Variants in SLC23A2 observed in about 807,000 individuals in gnomAD.
SLC23A2 encodes the protein solute carrier family 23 member 2.
SLC23A2 carries 36 observed loss-of-function variants against 73.3 expected under a neutral mutation model. The observed-to-expected ratio is 0.49, with a 90% CI of 0.38 to 0.65. The LOEUF is 0.65. SLC23A2 is among the 30% of genes least tolerant of loss of function. The pLI is 0.00. For synonymous variants in SLC23A2, 343 were observed against 327.3 expected (o/e 1.05, Z -0.52); for missense variants, 507 against 841.6 (o/e 0.60, Z 4.92).
At chr20:4,874,771 T>A (rs756166145) in intron 9 of SLC23A2, 75 bp from the exon 10 acceptor site, 43 of 1,286,860 alleles carry the variant, frequency 3.3e-5, no homozygotes, top group Non-Finnish European at 4.5e-5. Context: ...GAAGCTTCTA[T>A]GGCAAAATTG....
At position 4,862,393 on chromosome 20, in the gene SLC23A2, A is replaced by T. The variant is rs1362709975; in HGVS notation, c.1487-308T>A. 3.3e-5 allele frequency among the ~76,000 whole-genome samples: 5 copies of T among 152,258 alleles called. No individual in the cohort carries two copies. Among genetic ancestry groups the T allele is most frequent in the Non-Finnish European group, 7.3e-5 (5 of 68,050 alleles). Reference sequence around the variant, plus strand: ...ACACAAACATTTTGATTAAACAGGGAGACCTACCTAAATATCTGGTGCATG... The same window carrying T: ...ACACAAACATTTTGATTAAACAGGGTGACCTACCTAAATATCTGGTGCATG... On this transcript the variant is annotated intron_variant, in intron 14 of 16. Transcript: ENST00000338244. The surrounding 1 kb of genome is among the most constrained non-coding windows in gnomAD (Gnocchi z 5.1).
chr20:4,891,359 G>T (rs1225513201), intron 6 of SLC23A2, among the ~76,000 whole-genome samples: 1 of 152,198 alleles, frequency 6.6e-6, no homozygotes, highest in Non-Finnish European at 1.5e-5. Context: ...ACAGAGGAAG[G>T]GTGGAGTAAC....
chr20:4,878,359 T>C (rs1263903134), intron 9 of SLC23A2, among the ~76,000 whole-genome samples: 1 of 152,042 alleles, frequency 6.6e-6, no homozygotes, highest in Non-Finnish European at 1.5e-5. Context: ...GCTAATTTTG[T>C]ATTTTTAATA....
At chr20:4,917,849 G>A (rs539661409) in intron 3 of SLC23A2, among the ~76,000 whole-genome samples, 69 of 152,232 alleles carry the variant, frequency 4.5e-4, no homozygotes, top group Non-Finnish European at 2.9e-4. Flanking sequence ...ATCTATTTAC[G>A]TGCAGGGGGC....
At chr20:4,941,501 G>A (rs767415264) in intron 2 of SLC23A2, among the ~76,000 whole-genome samples, 1 of 151,692 alleles carries the variant, frequency 6.6e-6, no homozygotes, top group African/African-American at 2.4e-5. Context: ...TCAGGAGTTC[G>A]AAACCAGCCT....
At chr20:4,919,968 C>A (rs1932449006) in intron 3 of SLC23A2, among the ~76,000 whole-genome samples, 1 of 152,126 alleles carries the variant, frequency 6.6e-6, no homozygotes, top group Non-Finnish European at 1.5e-5. Flanking sequence ...TACATTAAAA[C>A]TATGATGAGA....
At chr20:4,971,299 A>AACACACACACACACACACAC (rs35758430) in intron 1 of SLC23A2, among the ~76,000 whole-genome samples, 4 of 142,422 alleles carry the variant, frequency 2.8e-5, no homozygotes, top group African/African-American at 1.1e-4. Flanking sequence ...GTCTCTACAA[A>AACACACACACACACACACAC]ACACACACAC....
At position 4,862,252 on chromosome 20, in the gene SLC23A2, G is replaced by A. The variant is rs111581834; in HGVS notation, c.1487-167C>T. Among the ~76,000 whole-genome samples, 385 of 152,346 alleles carry A rather than the reference G, an allele frequency of 2.5e-3. 4 individuals are homozygous for A. Among genetic ancestry groups the A allele is most frequent in the African/African-American group, 8.8e-3 (365 of 41,574 alleles). ...TGTGGGGTCAGACTGTAGCCACCCT[G>A]CGCTCTGAGCCAAATGACCCTCGGC... On this transcript the variant is annotated intron_variant, in intron 14 of 16. Coordinates refer to ENST00000338244, the MANE Select transcript of SLC23A2 (RefSeq NM_005116.6). This position sits in a 1 kb window ranked among gnomAD's most constrained non-coding sequence, Gnocchi z 5.1.
intron 2 of SLC23A2, among the ~76,000 whole-genome samples, chr20:4,960,263 A>G (rs2087359854): frequency 6.6e-6 from 1 of 152,240 alleles, no homozygotes; most frequent in African/African-American, 2.4e-5. Context: ...AATATGAAGT[A>G]TTGGCAAGAC....
At chr20:4,974,522 T>A (rs2087613851) in intron 1 of SLC23A2, among the ~76,000 whole-genome samples, 1 of 151,880 alleles carries the variant, frequency 6.6e-6, no homozygotes, top group Non-Finnish European at 1.5e-5. Context: ...AAACCAAATA[T>A]CTTCAATGCA....
At chr20:4,859,204 G>A (rs771308258) in intron 16 of SLC23A2, 85 bp downstream of exon 16, 34 of 816,358 alleles carry the variant, frequency 4.2e-5, no homozygotes, top group African/African-American at 2.6e-4. Flanking sequence ...TACTCTTCCC[G>A]TTTTCCATTT....
chr20:4,911,867 AG>A (rs1334309450), intron 4 of SLC23A2, among the ~76,000 whole-genome samples: 1 of 151,974 alleles, frequency 6.6e-6, no homozygotes, highest in Non-Finnish European at 1.5e-5. Context: ...TTTTAGAGAC[AG>A]GGTCTTACTC....
chr20:4,934,435 C>T (rs140777351), intron 2 of SLC23A2, among the ~76,000 whole-genome samples: 304 of 152,220 alleles, frequency 2.0e-3, no homozygotes, highest in African/African-American at 7.1e-3. Context: ...GATGGCATCC[C>T]AGATGTGCCA....
chr20:4,874,146 C>CA lies in SLC23A2; in HGVS notation c.946-55dup, dbSNP rs542012275. ...GGCCAGCAGGGCTCACAGGTGTTGG[C>CA]AAAAAACACGTCTTCCCGCGGTCGG... On this transcript the variant is annotated intron_variant, in intron 10 of 16. Coordinates refer to ENST00000338244, the MANE Select transcript of SLC23A2 (RefSeq NM_005116.6). The CA allele has an allele frequency of 5.1e-6, 8 of 1,556,566 alleles. No homozygotes were observed. The South Asian group carries it at 8.3e-5, about 16-fold the overall frequency.
intron 1 of SLC23A2, among the ~76,000 whole-genome samples, chr20:4,982,323 A>G (rs1411252204): frequency 6.6e-6 from 1 of 152,200 alleles, no homozygotes; most frequent in East Asian, 1.9e-4. Context: ...AAAAAATGGA[A>G]TGAAGTAGAC....
chr20:4,869,570 A>G (rs1013692953), intron 12 of SLC23A2: 5 of 234,392 alleles, frequency 2.1e-5, no homozygotes, highest in East Asian at 9.9e-5. Flanking sequence ...CCCCAAAAAA[A>G]GCAAAGAACA....
chr20:4,924,631 C>G (rs117968930), intron 3 of SLC23A2, among the ~76,000 whole-genome samples: 2,048 of 152,338 alleles, frequency 0.013, 60 homozygotes, highest in South Asian at 0.064. Context: ...TATGGAATCT[C>G]TGGTCAATGC....
rs1050228100 is a variant in SLC23A2, at chr20:4,882,153, G to A, written c.824+1489C>T. 4.0e-5 allele frequency among the ~76,000 whole-genome samples: 6 copies of A among 151,888 alleles called. No homozygotes were observed. The East Asian group carries it at 1.2e-3, about 29-fold the overall frequency. ...GCATTTCGGGAGGCCAAGGTGGGCA[G>A]ATCACCTGAAGTCAGGAGTTTGAGA... On this transcript the variant is annotated intron_variant, in intron 9 of 16. Transcript: ENST00000338244.
Position 4,938,334 on chromosome 20 carries a change from CTT to C in SLC23A2, c.-154-5620_-154-5619del, listed in dbSNP as rs752802054. ...CACCTGTAATCCAGACTCATTCCATCTTTTTTTTTTTTTTTTTTTTTGAGACA... is the reference window on the plus strand; with the variant it reads ...CACCTGTAATCCAGACTCATTCCATCTTTTTTTTTTTTTTTTTTTGAGACA... On this transcript the variant is annotated intron_variant, in intron 2 of 16. Transcript: ENST00000338244. Among the ~76,000 whole-genome samples the C allele has an allele frequency of 5.5e-3, 681 of 124,872 alleles. 2 individuals carry two copies. The highest frequency in any genetic ancestry group is 0.017 in the African/African-American group (530 of 31,416). The allele number at this position is 124,872 out of a possible 152,430, so 81.9% of individuals were successfully genotyped here.
Sources: allele counts gnomAD v4.1 joint callset (sites outside exome capture counted in the v4.1 genomes callset), GRCh38; gene constraint gnomAD v4.1.1; non-coding constraint Gnocchi (gnomAD v3.1); transcripts MANE v1.5; gene names NCBI Gene and HGNC (gene_info 2026-07-23, HGNC 2026-07-21).